Variants in OGDHL observed in about 807,000 individuals in gnomAD.
OGDHL encodes the protein 2-oxoglutarate dehydrogenase-like, mitochondrial.
A neutral mutation model predicts 109.6 loss-of-function variants in OGDHL; 79 were observed. The observed-to-expected ratio is 0.72, with a 90% CI of 0.60 to 0.87. The LOEUF (loss-of-function observed/expected upper bound fraction) is 0.87. Among genes scored for constraint, OGDHL ranks in the 40% least tolerant of loss-of-function variants. The pLI, the probability that OGDHL is intolerant of heterozygous loss-of-function variation, is 0.00. For synonymous variants in OGDHL, 528 were observed against 537.2 expected (o/e 0.98, Z 0.24); for missense variants, 1,275 against 1,362.2 (o/e 0.94, Z 1.01).
At chr10:49,758,104 T>C (rs1482707445) in intron 2 of OGDHL, among the ~76,000 whole-genome samples, 3 of 152,186 alleles carry the variant, frequency 2.0e-5, no homozygotes, top group East Asian at 1.9e-4. Flanking sequence ...CCTAATTACA[T>C]ACAAAGGAGC....
rs34369887 is a variant in OGDHL at position 49,747,106 on chromosome 10, G to A, written c.1090C>T (p.Leu364=). The A allele has an allele frequency of 1.0e-3, 1,681 of 1,614,194 alleles. 22 individuals carry two copies. In the African/African-American group the frequency reaches 0.02, roughly 19 times the overall value. Residue 364 remains leucine, a synonymous_variant, in exon 9 of 23, where the codon CTG becomes TTG. Coordinates refer to ENST00000374103, the MANE Select transcript of OGDHL (RefSeq NM_018245.3). Reference sequence around the variant, plus strand: ...TGCACCACAGGGTCCACTGCCTCCAGGTGGGAGGGGTTGGCAACCAGCGAC... The same window carrying A: ...TGCACCACAGGGTCCACTGCCTCCAAGTGGGAGGGGTTGGCAACCAGCGAC... ...TLSLVANPSH[L]EAVDPVVQGK...
chr10:49,760,121 G>C (rs1390070360), intron 1 of OGDHL, among the ~76,000 whole-genome samples: 2 of 152,248 alleles, frequency 1.3e-5, no homozygotes, highest in African/African-American at 2.4e-5. Flanking sequence ...AATGGAGGGA[G>C]GACAGGCTCC....
chr10:49,738,014 T>G lies in OGDHL; in HGVS notation c.2450A>C (p.Asn817Thr), dbSNP rs750917811. ...QLYDCNWIVVNCSTPANYFHV... is the reference protein window; with the variant it reads ...QLYDCNWIVVTCSTPANYFHV... ...GAAGTAGTTGGCCGGTGTGGAGCAG[T>G]TGACCACGATCCAGTTGCAGTCATA... The change falls in exon 19 of 23, where the codon AAC (asparagine) becomes ACC (threonine). Residue 817 changes from asparagine (N) to threonine (T), a missense_variant. By Grantham distance (65) the Asn-to-Thr change is moderately conservative. Coordinates refer to ENST00000374103, the MANE Select transcript of OGDHL (RefSeq NM_018245.3). 3.1e-6 allele frequency: 5 copies of G among 1,614,172 alleles called. No individual in the cohort carries two copies. Among genetic ancestry groups the G allele is most frequent in the South Asian group, 1.1e-5 (1 of 91,088 alleles).
chr10:49,755,022 T>A (rs1433237553), intron 3 of OGDHL, among the ~76,000 whole-genome samples: 1 of 152,120 alleles, frequency 6.6e-6, no homozygotes, highest in African/African-American at 2.4e-5. Flanking sequence ...GGCGGGCAGA[T>A]CACTTGAGGT....
At chr10:49,742,646 G>A (rs1050228135) in intron 15 of OGDHL, among the ~76,000 whole-genome samples, 182 bp downstream of exon 15, 11 of 151,678 alleles carry the variant, frequency 7.3e-5, no homozygotes, top group Admixed American at 2.6e-4. Context: ...GGGCCCAGCA[G>A]TGAGCTCTGC....
In OGDHL at chr10:49,752,234, G is replaced by C; in HGVS notation, c.493C>G (p.Gln165Glu). 1.2e-6 allele frequency: 2 copies of C among 1,613,732 alleles called. No individual in the cohort carries two copies. The highest frequency in any genetic ancestry group is 1.7e-6 in the Non-Finnish European group (2 of 1,179,806). Residue 165 changes from glutamine to glutamate, a missense_variant, in exon 5 of 23, where the codon CAG becomes GAG. Transcript: ENST00000374103. Reference protein sequence around the residue: ...TIDKLAFYDLQEADLDKEFQL... With the variant: ...TIDKLAFYDLEEADLDKEFQL... ...AACTCCTTATCAAGGTCAGCCTCCTGAAGGTCATAGAAGGCTGGAGAAGGA... is the reference window on the plus strand; with the variant it reads ...AACTCCTTATCAAGGTCAGCCTCCTCAAGGTCATAGAAGGCTGGAGAAGGA...
chr10:49,735,297 G>T lies in OGDHL; in HGVS notation c.2964C>A (p.His988Gln). Residue 988 changes from histidine to glutamine, a missense_variant, in exon 23 of 23, where the codon CAC becomes CAA. By Grantham distance (24) the His-to-Gln change is conservative. Transcript: ENST00000374103. Reference sequence around the variant, plus strand: ...CCAGAAACTTCTTCAGTGACACCAGGTGAGTGTTCCTGTTTCCTGTGGCTG... The same window carrying T: ...CCAGAAACTTCTTCAGTGACACCAGTTGAGTGTTCCTGTTTCCTGTGGCTG... The part of the protein sequence containing the change: ...AAPATGNRNT[H>Q]LVSLKKFLDT... The T allele has an allele frequency of 1.2e-6, 2 of 1,614,168 alleles. No homozygotes were observed. The highest frequency in any genetic ancestry group is 1.7e-6 in the Non-Finnish European group (2 of 1,180,016).
intron 1 of OGDHL, among the ~76,000 whole-genome samples, chr10:49,760,646 T>C (rs1344439380): frequency 2.6e-5 from 4 of 152,252 alleles, no homozygotes; most frequent in Non-Finnish European, 5.9e-5. Context: ...CTAGGACAGA[T>C]ACTGTGCTCA....
chr10:49,752,291 G>T, intron 4 of OGDHL, 43 bp from the exon 5 acceptor site: 2 of 1,486,758 alleles, frequency 1.3e-6, no homozygotes, highest in South Asian at 1.1e-5. Context: ...GCAAAGTGGA[G>T]GGAGGGAGGT....
rs1004005380 is a variant in OGDHL, at chr10:49,750,807, A to G, written c.896+32T>C. On this transcript the variant is annotated intron_variant, in intron 7 of 22. Coordinates refer to ENST00000374103, the MANE Select transcript of OGDHL (RefSeq NM_018245.3). ...CCTCTGTCCCCTGGGCTGGAGGAGA[A>G]TGCGCAAGGCACAGCAGGGAGGGGG... 9.5e-6 allele frequency: 15 copies of G among 1,577,228 alleles called. No homozygotes were observed. The Admixed American group carries it at 1.0e-4, about 11-fold the overall frequency.
intron 3 of OGDHL, among the ~76,000 whole-genome samples, chr10:49,753,149 C>A (rs1474571782): frequency 1.3e-5 from 2 of 152,152 alleles, no homozygotes; most frequent in East Asian, 3.8e-4. Flanking sequence ...ACAAGGTAGT[C>A]TCTAAAAAAT....
rs1841045221 is a variant in OGDHL at position 49,735,127 on chromosome 10, C to T, written c.*101G>A. ...CTGTGTCTGTTTTATCCTGGGGCCCCACAGCCCCTCTCCTGGGCAGGAGCT... is the reference window on the plus strand; with the variant it reads ...CTGTGTCTGTTTTATCCTGGGGCCCTACAGCCCCTCTCCTGGGCAGGAGCT... On this transcript the variant is annotated 3_prime_UTR_variant, in exon 23 of 23. Transcript: ENST00000374103. 1.3e-6 allele frequency: 2 copies of T among 1,509,410 alleles called. No individual in the cohort carries two copies. The highest frequency in any genetic ancestry group is 4.5e-5 in the East Asian group (2 of 44,052). The allele number at this position is 1,509,410 out of a possible 1,614,324, so 93.5% of individuals were successfully genotyped here. A position where few individuals can be genotyped will look rare whatever the true frequency, so the allele number is the denominator to read the frequency against.
chr10:49,735,104 G>A lies in OGDHL; in HGVS notation c.*124C>T, dbSNP rs1237917929. 8.2e-7 allele frequency: 1 copy of A among 1,225,722 alleles called. No homozygotes were observed. Among genetic ancestry groups the A allele is most frequent in the East Asian group, 2.4e-5 (1 of 42,244 alleles). The allele number at this position is 1,225,722 out of a possible 1,614,324, so 75.9% of individuals were successfully genotyped here. On this transcript the variant is annotated 3_prime_UTR_variant, in exon 23 of 23. Coordinates refer to ENST00000374103, the MANE Select transcript of OGDHL (RefSeq NM_018245.3). ...AGTGCTGGCTCTTGGCCCTGTCACT[G>A]TGTCTGTTTTATCCTGGGGCCCCAC...
chr10:49,743,727 T>C (rs1046112526), intron 14 of OGDHL: 12 of 325,568 alleles, frequency 3.7e-5, no homozygotes, highest in Admixed American at 4.7e-5. Flanking sequence ...GGCAAAGGCA[T>C]TTGGAAAATC....
Position 49,746,335 on chromosome 10 carries a change from A to G in OGDHL, c.1297-358T>C, listed in dbSNP as rs143650957. ...CCTCATCTATAAAAAGGGGTCACTT[A>G]AATTCCCACCTCACAGGATGTTCAA... On this transcript the variant is annotated intron_variant, in intron 10 of 22. Coordinates refer to ENST00000374103, the MANE Select transcript of OGDHL (RefSeq NM_018245.3). Among the ~76,000 whole-genome samples, 33 of 152,350 alleles carry G rather than the reference A, an allele frequency of 2.2e-4. No homozygotes were observed. The East Asian group carries it at 6.4e-3, about 29-fold the overall frequency.
chr10:49,742,704 T>G lies in OGDHL; in HGVS notation c.2012+124A>C, dbSNP rs1190931371. The G allele has an allele frequency of 2.3e-6, 3 of 1,294,168 alleles. No individual in the cohort carries two copies. The East Asian group carries it at 7.6e-5, about 33-fold the overall frequency. 80.2% of individuals were successfully genotyped at this position (1,294,168 alleles called of 1,614,324 possible). ...GAGGTGGCCATCTGATGATGCCACC[T>G]GAGGGCAGGGGCTAGGGATGCTGTG... On this transcript the variant is annotated intron_variant, in intron 15 of 22. Coordinates refer to ENST00000374103, the MANE Select transcript of OGDHL (RefSeq NM_018245.3).
At chr10:49,735,987 C>A in intron 22 of OGDHL, 36 bp downstream of exon 22, 1 of 1,534,752 alleles carries the variant, frequency 6.5e-7, no homozygotes. Flanking sequence ...AGCCTCAGGG[C>A]CGAGGTGAGG....
intron 13 of OGDHL, among the ~76,000 whole-genome samples, chr10:49,744,391 C>A (rs1842025595): frequency 6.6e-6 from 1 of 152,058 alleles, no homozygotes; most frequent in Non-Finnish European, 1.5e-5. Context: ...TGGCCCCAAG[C>A]ATCCAGTGCC....
Position 49,737,937 on chromosome 10 carries a change from G to C in OGDHL, c.2517+10C>G. 6.2e-7 allele frequency: 1 copy of C among 1,614,134 alleles called. No homozygotes were observed. Among genetic ancestry groups the C allele is most frequent in the Non-Finnish European group, 8.5e-7 (1 of 1,180,008 alleles). ...CTGCCTGTGACCCCTGCCCTGGGACGGAGACTCACCGGCTTGCGGAAGGGC... is the reference window on the plus strand; with the variant it reads ...CTGCCTGTGACCCCTGCCCTGGGACCGAGACTCACCGGCTTGCGGAAGGGC... On this transcript the variant is annotated intron_variant, in intron 19 of 22. Coordinates refer to ENST00000374103, the MANE Select transcript of OGDHL (RefSeq NM_018245.3).
Sources: allele counts gnomAD v4.1 joint callset (sites outside exome capture counted in the v4.1 genomes callset), GRCh38; gene constraint gnomAD v4.1.1; transcripts MANE v1.5; gene names NCBI Gene and HGNC (gene_info 2026-07-23, HGNC 2026-07-21).